TTLL11: variants seen among roughly 807,000 people sequenced by gnomAD.
TTLL11 encodes tubulin polyglutamylase TTLL11.
Under a neutral mutation model 51.7 loss-of-function variants are expected in TTLL11, and 42 were observed. That is an observed-to-expected ratio of 0.81 (90% CI 0.64 to 1.05). The LOEUF (loss-of-function observed/expected upper bound fraction) is 1.05. TTLL11 is among the 50% of genes least tolerant of loss of function. The pLI, the probability that TTLL11 is intolerant of heterozygous loss-of-function variation, is 0.00. For missense variants in TTLL11, 799 were observed against 940.4 expected, an observed-to-expected ratio of 0.85 and a Z score of 1.97; for synonymous variants, 381 against 383.5, an observed-to-expected ratio of 0.99 and a Z score of 0.08.
chr9:121,892,342 T>C (rs1839275176), intron 6 of TTLL11, among the ~76,000 whole-genome samples: 1 of 151,690 alleles, frequency 6.6e-6, no homozygotes, highest in South Asian at 2.1e-4. Context: ...AGAGGAAAAA[T>C]AGGTTTAATG....
intron 7 of TTLL11, among the ~76,000 whole-genome samples, chr9:121,868,606 G>C (rs1373075429): frequency 6.6e-6 from 1 of 152,146 alleles, no homozygotes; most frequent in African/African-American, 2.4e-5. Context: ...TATGCACTTA[G>C]GAGGGATGAG....
chr9:121,907,950 C>T (rs1201838406), intron 6 of TTLL11, among the ~76,000 whole-genome samples: 2 of 152,210 alleles, frequency 1.3e-5, no homozygotes, highest in East Asian at 3.8e-4. Context: ...GCTGGACATT[C>T]ATCTTGTAGC....
chr9:121,944,047 T>G (rs1841581302), intron 6 of TTLL11, among the ~76,000 whole-genome samples: 1 of 152,212 alleles, frequency 6.6e-6, no homozygotes, highest in Non-Finnish European at 1.5e-5. Flanking sequence ...AAAAGTGATT[T>G]TATACAATTG....
Position 122,031,711 on chromosome 9 carries a change from AGT to A in TTLL11, c.693+10_693+11del, listed in dbSNP as rs769943155. On this transcript the variant is annotated intron_variant, in intron 3 of 8. Coordinates refer to ENST00000321582, the MANE Select transcript of TTLL11 (RefSeq NM_001139442.2). Reference sequence around the variant, plus strand: ...TATAATTCAGGGGTCATGGGGACGGAGTGCCATCTACCTGAGCAACAAAGAGC... The same window carrying A: ...TATAATTCAGGGGTCATGGGGACGGAGCCATCTACCTGAGCAACAAAGAGC... The A allele has an allele frequency of 1.4e-5, 22 of 1,611,758 alleles. No individual in the cohort carries two copies. The East Asian group carries it at 4.7e-4, about 34-fold the overall frequency.
chr9:121,957,470 C>A (rs1203044461), intron 6 of TTLL11, among the ~76,000 whole-genome samples: 1 of 152,198 alleles, frequency 6.6e-6, no homozygotes, highest in African/African-American at 2.4e-5. Flanking sequence ...GGGCTGAGCA[C>A]ACCCAGGGTA....
rs1413374608 is a variant in TTLL11 at position 121,816,576 on chromosome 9, G to C, written c.*6011C>G. 1 of 151,802 alleles carries C rather than the reference G, an allele frequency of 6.6e-6. No homozygotes were observed. The highest frequency in any genetic ancestry group is 1.5e-5 in the Non-Finnish European group (1 of 68,010). The allele number at this position is 151,802 out of a possible 1,614,324, so 9.4% of individuals were successfully genotyped here. A position where few individuals can be genotyped will look rare whatever the true frequency, so the allele number is the denominator to read the frequency against. On this transcript the variant is annotated 3_prime_UTR_variant, in exon 9 of 9. Transcript: ENST00000321582. The stretch of plus-strand genomic sequence containing the variant: ...CGCACGTGTGTGCATGCGTGTGCGT[G>C]TGTGCATGTGTGTGCGTGTGTGCAT...
At chr9:121,857,772 C>T (rs990541605) in intron 8 of TTLL11, among the ~76,000 whole-genome samples, 2 of 152,108 alleles carry the variant, frequency 1.3e-5, no homozygotes, top group African/African-American at 4.8e-5. Context: ...GCGGACAGCC[C>T]CCGTGGATTC....
chr9:121,834,698 A>T lies in TTLL11; in HGVS notation c.1841-11819T>A, dbSNP rs183712797. Among the ~76,000 whole-genome samples the T allele has an allele frequency of 2.5e-3, 384 of 152,090 alleles. 7 individuals are homozygous for T. Among genetic ancestry groups the T allele is most frequent in the Admixed American group, 0.023 (354 of 15,284 alleles). ...AAAAATTAGCCGGGCATGGTGGCAC[A>T]CACCTGTAATCCTAGCTACTCAGGA... On this transcript the variant is annotated intron_variant, in intron 8 of 8. Transcript: ENST00000321582.
chr9:121,823,169 C>T (rs1408035581), intron 8 of TTLL11, among the ~76,000 whole-genome samples: 4 of 152,228 alleles, frequency 2.6e-5, no homozygotes, highest in East Asian at 3.8e-4. Context: ...CTCAGAGACA[C>T]GGAGAGAGCT....
chr9:121,982,917 G>GT (rs1564340380), intron 4 of TTLL11, among the ~76,000 whole-genome samples: 1 of 152,140 alleles, frequency 6.6e-6, no homozygotes, highest in African/African-American at 2.4e-5. Context: ...AGCCAGGATT[G>GT]TAAGTGCAAT....
chr9:122,063,292 C>A (rs1004443212), intron 1 of TTLL11, among the ~76,000 whole-genome samples: 1 of 152,096 alleles, frequency 6.6e-6, no homozygotes, highest in East Asian at 1.9e-4. Flanking sequence ...TGAGTTAAGA[C>A]CCTTACTTCA....
chr9:121,928,626 A>G (rs755941469), intron 6 of TTLL11, among the ~76,000 whole-genome samples: 2 of 151,970 alleles, frequency 1.3e-5, no homozygotes, highest in Non-Finnish European at 2.9e-5. Context: ...ATTTTAGTAG[A>G]GACAGGGTTG....
chr9:121,839,736 C>A (rs1258572799), intron 8 of TTLL11, among the ~76,000 whole-genome samples: 1 of 152,172 alleles, frequency 6.6e-6, no homozygotes, highest in South Asian at 2.1e-4. Context: ...CCCATCCCCC[C>A]GACTGTCCAG....
At chr9:121,881,076 T>C (rs1184869360) in intron 6 of TTLL11, among the ~76,000 whole-genome samples, 1 of 152,238 alleles carries the variant, frequency 6.6e-6, no homozygotes, top group African/African-American at 2.4e-5. Flanking sequence ...CAAGAGACTG[T>C]CTATATGACA....
intron 6 of TTLL11, among the ~76,000 whole-genome samples, chr9:121,946,652 T>G (rs1841680463): frequency 6.6e-6 from 1 of 152,220 alleles, no homozygotes; most frequent in South Asian, 2.1e-4. Flanking sequence ...GTGACAGGCA[T>G]GCTCACTACC....
At chr9:121,852,297 G>A (rs1304897451) in intron 8 of TTLL11, among the ~76,000 whole-genome samples, 1 of 152,176 alleles carries the variant, frequency 6.6e-6, no homozygotes, top group African/African-American at 2.4e-5. Flanking sequence ...TCCTGACAGT[G>A]CCCCAAGGTA....
At chr9:121,841,866 G>T (rs946850428) in intron 8 of TTLL11, among the ~76,000 whole-genome samples, 6 of 151,782 alleles carry the variant, frequency 4.0e-5, no homozygotes, top group African/African-American at 1.5e-4. Flanking sequence ...GTCTCAAATC[G>T]TGGCCAGATG....
intron 6 of TTLL11, among the ~76,000 whole-genome samples, chr9:121,871,047 T>C (rs1838340288): frequency 6.6e-6 from 1 of 152,214 alleles, no homozygotes; most frequent in African/African-American, 2.4e-5. Flanking sequence ...CTCTGTTATG[T>C]AGCAGTCTGG....
chr9:121,844,900 T>C (rs935963966), intron 8 of TTLL11, among the ~76,000 whole-genome samples: 43 of 151,988 alleles, frequency 2.8e-4, no homozygotes, highest in African/African-American at 1.0e-3. Flanking sequence ...ACAAAATATA[T>C]GTTATGAGAA....
Sources: gnomAD v4.1 joint callset for allele counts (sites outside exome capture counted in the v4.1 genomes callset) on GRCh38, gnomAD v4.1.1 for gene constraint, MANE v1.5 for transcripts, NCBI Gene and HGNC (gene_info 2026-07-23, HGNC 2026-07-21) for gene names.